ARFGEF1: variants seen among roughly 807,000 people sequenced by gnomAD.
ARFGEF1 encodes the protein ARF guanine nucleotide exchange factor 1.
In ARFGEF1, 42 loss-of-function variants were observed where a neutral mutation model predicts 231.0. The observed-to-expected ratio is 0.18, with a 90% CI of 0.14 to 0.24. ARFGEF1 has a LOEUF of 0.24. Among genes scored for constraint, ARFGEF1 ranks in the 10% least tolerant of loss-of-function variants. The pLI is 1.00. For synonymous variants in ARFGEF1, 710 were observed against 732.3 expected, an observed-to-expected ratio of 0.97 and a Z score of 0.49; for missense variants, 1,345 against 2,192.0, an observed-to-expected ratio of 0.61 and a Z score of 7.72.
At chr8:67,336,322 T>C (rs546538104) in intron 1 of ARFGEF1, among the ~76,000 whole-genome samples, 5 of 152,312 alleles carry the variant, frequency 3.3e-5, no homozygotes, top group South Asian at 4.1e-4. Context: ...TGTAAACATA[T>C]GTACAGTAGA....
intron 33 of ARFGEF1, among the ~76,000 whole-genome samples, chr8:67,215,248 A>G (rs1467473340): frequency 2.6e-5 from 4 of 152,158 alleles, no homozygotes; most frequent in Non-Finnish European, 5.9e-5. Flanking sequence ...ACTTTTGATT[A>G]TATTTATAAG....
At chr8:67,187,210 A>C (rs1834917819) in intron 5 of ARFGEF1, among the ~76,000 whole-genome samples, 1 of 152,232 alleles carries the variant, frequency 6.6e-6, no homozygotes, top group Non-Finnish European at 1.5e-5. Context: ...GTGGATAACA[A>C]CAAACTGATT....
chr8:67,233,583 C>T (rs1054086153), intron 22 of ARFGEF1, among the ~76,000 whole-genome samples: 1 of 152,000 alleles, frequency 6.6e-6, no homozygotes, highest in African/African-American at 2.4e-5. Context: ...ATCACCTGTT[C>T]ATTTCCATTC....
chr8:67,253,676 G>T, intron 17 of ARFGEF1, 54 bp from the exon 18 acceptor site: 4 of 960,732 alleles, frequency 4.2e-6, no homozygotes, highest in Non-Finnish European at 4.3e-6. Context: ...GGTTACACTT[G>T]TATTTTAAGG....
chr8:67,300,787 T>G (rs1806450587), intron 3 of ARFGEF1, among the ~76,000 whole-genome samples: 1 of 150,702 alleles, frequency 6.6e-6, no homozygotes, highest in South Asian at 2.1e-4. Flanking sequence ...GAGGTCACAG[T>G]GAGCCAAGAT....
intron 1 of ARFGEF1, among the ~76,000 whole-genome samples, chr8:67,321,446 CTGTT>C (rs1244798135): frequency 6.6e-6 from 1 of 151,912 alleles, no homozygotes; most frequent in Non-Finnish European, 1.5e-5. Context: ...ATGAGAACTT[CTGTT>C]TTTTTTGTTT....
chr8:67,311,132 G>A (rs1313604210), intron 1 of ARFGEF1, among the ~76,000 whole-genome samples: 6 of 143,188 alleles, frequency 4.2e-5, no homozygotes, highest in African/African-American at 1.0e-4. Flanking sequence ...CCCCGCGACC[G>A]GCCAGCTGCC....
chr8:67,261,763 C>T (rs1258158594), intron 14 of ARFGEF1, among the ~76,000 whole-genome samples: 1 of 152,090 alleles, frequency 6.6e-6, no homozygotes, highest in Non-Finnish European at 1.5e-5. Flanking sequence ...ACCTTGGCTT[C>T]CCAAAGCTGG....
downstream of ARFGEF1, chr8:67,195,599 A>G (rs372265885): frequency 4.5e-4 from 721 of 1,611,856 alleles, 2 homozygotes; most frequent in Middle Eastern, 2.2e-3. Context: ...GTTAAAATAA[A>G]CCTGTACTGG....
intron 14 of ARFGEF1, among the ~76,000 whole-genome samples, chr8:67,262,017 T>A (rs2128891483): frequency 6.6e-6 from 1 of 152,002 alleles, no homozygotes; most frequent in Admixed American, 6.6e-5. Context: ...CATGTAGAGA[T>A]ACTACTTAAA....
At chr8:67,338,480 G>A (rs1808450967) in intron 1 of ARFGEF1, among the ~76,000 whole-genome samples, 1 of 152,158 alleles carries the variant, frequency 6.6e-6, no homozygotes, top group African/African-American at 2.4e-5. Flanking sequence ...CTTTCTTGGA[G>A]GACTTTTCAG....
At position 67,242,196 on chromosome 8, in the gene ARFGEF1, G is replaced by A. The variant is rs116341580; in HGVS notation, c.2851-1906C>T. ...TAGCTGTGCTGGGCTTGGAGGCAGTGGACGTGGAGGATACACAACCTACTG... is the reference window on the plus strand; with the variant it reads ...TAGCTGTGCTGGGCTTGGAGGCAGTAGACGTGGAGGATACACAACCTACTG... On this transcript the variant is annotated intron_variant, in intron 19 of 38. Transcript: ENST00000262215. 6.4e-3 allele frequency among the ~76,000 whole-genome samples: 982 copies of A among 152,312 alleles called. 7 individuals are homozygous for A. The highest frequency in any genetic ancestry group is 0.023 in the African/African-American group (942 of 41,566).
chr8:67,278,585 C>T (rs1478890635), intron 7 of ARFGEF1, among the ~76,000 whole-genome samples: 6 of 152,114 alleles, frequency 3.9e-5, no homozygotes, highest in East Asian at 1.9e-4. Flanking sequence ...CAGTGGCTCA[C>T]ACCTGTAATC....
chr8:67,244,172 G>A (rs1450428796), intron 19 of ARFGEF1, among the ~76,000 whole-genome samples: 1 of 148,236 alleles, frequency 6.7e-6, no homozygotes, highest in African/African-American at 2.5e-5. Flanking sequence ...GAACCTGGGA[G>A]GCGGAGGTTG....
rs570171046 is a variant in ARFGEF1, at chr8:67,334,487, T to G, written c.124+8677A>C. Reference sequence around the variant, plus strand: ...AACGGGAAGCCTCATACACTGCTGGTGGGTATGTAGGCTGGAAAAGAATTT... The same window carrying G: ...AACGGGAAGCCTCATACACTGCTGGGGGGTATGTAGGCTGGAAAAGAATTT... On this transcript the variant is annotated intron_variant, in intron 1 of 38. Coordinates refer to ENST00000262215, the MANE Select transcript of ARFGEF1 (RefSeq NM_006421.5). Among the ~76,000 whole-genome samples the G allele has an allele frequency of 2.6e-5, 4 of 152,276 alleles. No homozygotes were observed. In the South Asian group the frequency reaches 8.3e-4, roughly 32 times the overall value.
chr8:67,199,022 G>A lies in ARFGEF1; in HGVS notation c.5462C>T (p.Ala1821Val), dbSNP rs1386019458. The change falls in exon 39 of 39, where the codon GCT becomes GTT. Residue 1821 changes from alanine to valine, a missense_variant. Physicochemically the swap from Ala to Val is moderately conservative, Grantham distance 64 (BLOSUM62 0). Around this residue, in one of 14 missense-constraint regions of ARFGEF1, gnomAD observed 161 missense variants for 284.9 expected, o/e 0.57. Transcript: ENST00000262215. ...MQFDLIPELR[A>V]VLRRFFLRIG... Reference sequence around the variant, plus strand: ...TCGCAGAAAAAATCTTCTAAGAACAGCACGAAGTTCAGGAATCAAGTCAAA... The same window carrying A: ...TCGCAGAAAAAATCTTCTAAGAACAACACGAAGTTCAGGAATCAAGTCAAA... 6.2e-7 allele frequency: 1 copy of A among 1,612,420 alleles called. No homozygotes were observed. The highest frequency in any genetic ancestry group is 1.7e-5 in the Admixed American group (1 of 59,524).
chr8:67,292,534 T>C (rs994988767), intron 5 of ARFGEF1, among the ~76,000 whole-genome samples: 7 of 152,158 alleles, frequency 4.6e-5, no homozygotes, highest in African/African-American at 1.7e-4. Context: ...TTTCAGTGTT[T>C]ATCCTTCTGG....
intron 22 of ARFGEF1, among the ~76,000 whole-genome samples, chr8:67,235,024 G>A (rs1839672794): frequency 6.6e-6 from 1 of 151,238 alleles, no homozygotes; most frequent in South Asian, 2.1e-4. Context: ...CCTTTCCACA[G>A]AGGAAATATA....
intron 38 of ARFGEF1, chr8:67,200,110 T>C (rs1838273492): frequency 2.4e-6 from 1 of 408,882 alleles, no homozygotes. Context: ...GGGAGATTCC[T>C]GGGGTCATAA....
Sources: gnomAD v4.1 joint callset for allele counts (sites outside exome capture counted in the v4.1 genomes callset) on GRCh38, gnomAD v4.1.1 for gene constraint, gnomAD v4.1.1 regional missense constraint, MANE v1.5 for transcripts, NCBI Gene and HGNC (gene_info 2026-07-23, HGNC 2026-07-21) for gene names.